Variants in CHCHD6 observed in about 807,000 individuals in gnomAD.
CHCHD6 encodes coiled-coil-helix-coiled-coil-helix domain containing 6.
CHCHD6 carries 28 observed loss-of-function variants against 32.3 expected under a neutral mutation model. The observed-to-expected ratio is 0.87, with a 90% CI of 0.64 to 1.19. The LOEUF (loss-of-function observed/expected upper bound fraction) is 1.19. CHCHD6 is among the 50% of genes most tolerant of loss of function. The pLI, the probability that CHCHD6 is intolerant of heterozygous loss-of-function variation, is 0.00. For missense variants in CHCHD6, 333 were observed against 307.0 expected, an observed-to-expected ratio of 1.08 and a Z score of -0.63; for synonymous variants, 122 against 117.5, an observed-to-expected ratio of 1.04 and a Z score of -0.25.
intron 5 of CHCHD6, among the ~76,000 whole-genome samples, chr3:126,866,018 G>T (rs576615484): frequency 6.6e-6 from 1 of 152,162 alleles, no homozygotes; most frequent in Non-Finnish European, 1.5e-5. Flanking sequence ...GGGTTGGGGA[G>T]TGCAGAGAGA....
At chr3:126,944,684 G>A (rs1559936219) in intron 6 of CHCHD6, among the ~76,000 whole-genome samples, 2 of 152,208 alleles carry the variant, frequency 1.3e-5, no homozygotes, top group African/African-American at 2.4e-5. Context: ...CTACACAGAC[G>A]CACAGCACCT....
At chr3:126,906,757 G>A (rs11711240) in intron 5 of CHCHD6, among the ~76,000 whole-genome samples, 12,213 of 152,254 alleles carry the variant, frequency 0.08, 639 homozygotes, top group Middle Eastern at 0.21. Flanking sequence ...GTGAAGGCAA[G>A]GACTTCACCT....
chr3:126,863,449 T>C, intron 5 of CHCHD6, among the ~76,000 whole-genome samples: 1 of 126,018 alleles, frequency 7.9e-6, no homozygotes, highest in African/African-American at 3.0e-5. Flanking sequence ...CACCTCCTCC[T>C]CCCCCACTGT....
chr3:126,749,848 AATGTCTAGACAGT>A (rs2107667324), intron 4 of CHCHD6, among the ~76,000 whole-genome samples: 1 of 152,290 alleles, frequency 6.6e-6, no homozygotes, highest in African/African-American at 2.4e-5. Context: ...TTGTTTAGGA[AATGTCTAGACAGT>A]GTAGCTGGAT....
chr3:126,854,826 G>C (rs1941602861), intron 5 of CHCHD6: 1 of 152,440 alleles, frequency 6.6e-6, no homozygotes, highest in South Asian at 2.1e-4. Context: ...AGGTTGAGAT[G>C]GGGAGGCTGA....
intron 4 of CHCHD6, among the ~76,000 whole-genome samples, chr3:126,833,851 C>T (rs1253285227): frequency 1.3e-5 from 2 of 151,628 alleles, no homozygotes; most frequent in Non-Finnish European, 2.9e-5. Flanking sequence ...GTCAGGAGAT[C>T]GAGACCATCC....
At chr3:126,919,266 T>C (rs2078210999) in intron 6 of CHCHD6, among the ~76,000 whole-genome samples, 1 of 151,944 alleles carries the variant, frequency 6.6e-6, no homozygotes, top group Non-Finnish European at 1.5e-5. Flanking sequence ...TTTATTGTTT[T>C]TTTCTGACAC....
intron 4 of CHCHD6, among the ~76,000 whole-genome samples, chr3:126,758,313 T>C (rs1247815537): frequency 6.6e-6 from 1 of 152,246 alleles, no homozygotes; most frequent in Admixed American, 6.5e-5. Flanking sequence ...CCATTAACCA[T>C]ATCCACCTCC....
intron 4 of CHCHD6, among the ~76,000 whole-genome samples, chr3:126,763,143 A>G (rs1328475973): frequency 6.6e-6 from 1 of 152,040 alleles, no homozygotes; most frequent in Non-Finnish European, 1.5e-5. Context: ...AATGTAGTTA[A>G]CTGATTTGAT....
chr3:126,748,709 T>C (rs981393128), intron 4 of CHCHD6, among the ~76,000 whole-genome samples: 4 of 152,146 alleles, frequency 2.6e-5, no homozygotes, highest in African/African-American at 9.7e-5. Context: ...AAGTAGCTAC[T>C]CTTCCTTTAA....
intron 5 of CHCHD6, among the ~76,000 whole-genome samples, chr3:126,905,139 C>T (rs928982465): frequency 1.3e-5 from 2 of 152,240 alleles, no homozygotes; most frequent in African/African-American, 4.8e-5. Flanking sequence ...AAGCAGGCAT[C>T]TGTCAGACCC....
intron 4 of CHCHD6, among the ~76,000 whole-genome samples, chr3:126,845,682 A>G (rs1172081301): frequency 6.6e-6 from 1 of 152,138 alleles, no homozygotes; most frequent in African/African-American, 2.4e-5. Context: ...TAGATAATTT[A>G]TAATGCCTTG....
intron 4 of CHCHD6, among the ~76,000 whole-genome samples, chr3:126,820,590 A>C (rs535770902): frequency 1.3e-5 from 2 of 152,290 alleles, no homozygotes; most frequent in East Asian, 3.9e-4. Context: ...TCCTTGCCTG[A>C]CTATACCACA....
chr3:126,743,593 CTG>C (rs1201576710), intron 4 of CHCHD6, among the ~76,000 whole-genome samples: 7 of 152,148 alleles, frequency 4.6e-5, no homozygotes, highest in Admixed American at 6.5e-5. Flanking sequence ...GCTGGAGAAA[CTG>C]TGCAGAAGTG....
At position 126,757,541 on chromosome 3, in the gene CHCHD6, A is replaced by G. The variant is rs140335467; in HGVS notation, c.411+24319A>G. Among the ~76,000 whole-genome samples, 395 of 152,288 alleles carry G rather than the reference A, an allele frequency of 2.6e-3. 1 individual carries two copies. The highest frequency in any genetic ancestry group is 0.01 in the Middle Eastern group (3 of 294). On this transcript the variant is annotated intron_variant, in intron 4 of 7. Transcript: ENST00000290913. ...AACACAGACTTCCGCAGCAAGCTCA[A>G]ACTAGTGCCAGGAGGCATTTTGCAA...
chr3:126,720,074 G>A (rs1935208777), intron 1 of CHCHD6, among the ~76,000 whole-genome samples: 1 of 152,082 alleles, frequency 6.6e-6, no homozygotes, highest in Non-Finnish European at 1.5e-5. Context: ...AGAGACGTGG[G>A]TTTCACCATG....
chr3:126,832,653 CT>C (rs1272426825), intron 4 of CHCHD6, among the ~76,000 whole-genome samples: 1 of 152,148 alleles, frequency 6.6e-6, no homozygotes, highest in Admixed American at 6.5e-5. Flanking sequence ...ACTGGAGAGT[CT>C]TTTGGTTCTT....
chr3:126,947,471 A>G (rs2078655433), intron 6 of CHCHD6, among the ~76,000 whole-genome samples: 1 of 152,214 alleles, frequency 6.6e-6, no homozygotes, highest in Non-Finnish European at 1.5e-5. Flanking sequence ...TTCTAATGGC[A>G]GAGTGGAGCT....
intron 4 of CHCHD6, among the ~76,000 whole-genome samples, chr3:126,755,059 A>G (rs1936898150): frequency 6.6e-6 from 1 of 152,172 alleles, no homozygotes; most frequent in South Asian, 2.1e-4. Context: ...GATGGCCTGG[A>G]AAAGAGGAGG....
Sources: gnomAD v4.1 joint callset for allele counts (sites outside exome capture counted in the v4.1 genomes callset) on GRCh38, gnomAD v4.1.1 for gene constraint, MANE v1.5 for transcripts, NCBI Gene and HGNC (gene_info 2026-07-23, HGNC 2026-07-21) for gene names.